Variants in SBNO2 observed in about 807,000 individuals in gnomAD.
SBNO2 encodes the protein strawberry notch homolog 2.
A neutral mutation model predicts 146.3 loss-of-function variants in SBNO2; 89 were observed. The ratio of observed to expected loss-of-function variants is 0.61; its 90% CI spans 0.51 to 0.73. The LOEUF is 0.73. SBNO2 is among the 30% of genes least tolerant of loss of function. The probability of loss-of-function intolerance (pLI) is 0.00; values close to 1 mark genes in which losing one functional copy is unlikely to be tolerated. For missense variants in SBNO2, 2,092 were observed against 2,003.7 expected, an observed-to-expected ratio of 1.04 and a Z score of -0.84; for synonymous variants, 1,147 against 892.6, an observed-to-expected ratio of 1.29 and a Z score of -5.08.
chr19:1,127,428 A>G, intron 5 of SBNO2, 176 bp downstream of exon 5: 1 of 644,336 alleles, frequency 1.6e-6, no homozygotes, highest in Non-Finnish European at 2.7e-6. Flanking sequence ...TTCAGGACAC[A>G]AGAGGACCCT....
Position 1,109,329 on chromosome 19 carries a change from A to C in SBNO2, c.3311T>G (p.Leu1104Arg). Residue 1104 changes from leucine (L) to arginine (R), a missense_variant, in exon 29 of 32, where the codon CTG becomes CGG. Coordinates refer to ENST00000361757, the MANE Select transcript of SBNO2 (RefSeq NM_014963.3). The surrounding 1 kb of genome is among the most constrained non-coding windows in gnomAD (Gnocchi z 4.2). The part of the protein sequence containing the change: ...YKPNIGRQSQ[L>R]EALDSLRRKF... ...GCGGCGGAGGCTGTCCAGGGCCTCCAGCTGGCTCTGCCGGCCGATGTTGGG... is the reference window on the plus strand; with the variant it reads ...GCGGCGGAGGCTGTCCAGGGCCTCCCGCTGGCTCTGCCGGCCGATGTTGGG... The C allele has an allele frequency of 6.3e-7, 1 of 1,596,184 alleles. No homozygotes were observed. Among genetic ancestry groups the C allele is most frequent in the Non-Finnish European group, 8.5e-7 (1 of 1,172,604 alleles).
At chr19:1,171,215 G>A (rs1007194395) in intron 1 of SBNO2, among the ~76,000 whole-genome samples, 2 of 151,822 alleles carry the variant, frequency 1.3e-5, no homozygotes, top group African/African-American at 2.4e-5. Flanking sequence ...CCACAGGCAC[G>A]CACATTCACA....
intron 4 of SBNO2, among the ~76,000 whole-genome samples, chr19:1,143,583 CT>C (rs2080159827): frequency 6.6e-6 from 1 of 152,194 alleles, no homozygotes; most frequent in Non-Finnish European, 1.5e-5. Context: ...CTCCCGGGGG[CT>C]CCAGGGGAAA....
chr19:1,166,267 G>A (rs921156507), intron 1 of SBNO2, among the ~76,000 whole-genome samples: 5 of 29,012 alleles, frequency 1.7e-4, no homozygotes, highest in South Asian at 1.1e-3. Flanking sequence ...AGGGAGGCCC[G>A]GTGAGGGAGT....
rs2080173486 is a variant in SBNO2, at chr19:1,144,883, GGGAGACAGAGAGACAGAGGCGGAGAT to G, written c.279+2400_279+2425del. ...AGGGAGACACAGACAGAGACAGAGA[GGGAGACAGAGAGACAGAGGCGGAGAT>G]GGAGACAGAGACAGAGAGACAGAGA... On this transcript the variant is annotated intron_variant, in intron 4 of 31. Transcript: ENST00000361757. The surrounding 1 kb of genome is among the most constrained non-coding windows in gnomAD (Gnocchi z 4.1). Among the ~76,000 whole-genome samples the G allele has an allele frequency of 1.3e-5, 2 of 149,472 alleles. No homozygotes were observed. The highest frequency in any genetic ancestry group is 5.0e-5 in the African/African-American group (2 of 39,788).
In SBNO2 at chr19:1,147,431, ATG is replaced by A. The variant is rs1491120213; in HGVS notation, c.168-13_168-12del. 4,203 of 588,376 alleles carry A rather than the reference ATG, an allele frequency of 7.1e-3. 226 individuals carry two copies. The highest frequency in any genetic ancestry group is 8.4e-3 in the South Asian group (348 of 41,402). 36.4% of individuals were successfully genotyped at this position (588,376 alleles called of 1,614,324 possible). ...GAGCTCATGAACGGGCTGGAGGGAG[ATG>A]GGGGGGGGGGAGGTGAGATGGGGTG... On this transcript the variant is annotated splice_polypyrimidine_tract_variant and intron_variant, in intron 3 of 31. Transcript: ENST00000361757.
In SBNO2 at chr19:1,109,113, CT is replaced by C. The variant is rs768263814; in HGVS notation, c.3425+21del. 13 of 1,547,920 alleles carry C rather than the reference CT, an allele frequency of 8.4e-6. No individual in the cohort carries two copies. The highest frequency in any genetic ancestry group is 2.4e-5 in the South Asian group (2 of 83,994). ...GTCGCCGCCATCTGCCGGTTTCCCC[CT>C]GGTCCCCGGCCCGCCCTCACCAGGC... On this transcript the variant is annotated intron_variant, in intron 30 of 31. Transcript: ENST00000361757. This position sits in a 1 kb window ranked among gnomAD's most constrained non-coding sequence, Gnocchi z 4.2.
intron 1 of SBNO2, among the ~76,000 whole-genome samples, chr19:1,166,189 T>C (rs75773014): frequency 0.23 from 11,090 of 48,572 alleles, 1,520 homozygotes; most frequent in Middle Eastern, 0.43. Context: ...GATCCCAGAC[T>C]TCAGATCCCC....
At chr19:1,116,348 C>T (rs892240556) in intron 16 of SBNO2, among the ~76,000 whole-genome samples, 4 of 143,566 alleles carry the variant, frequency 2.8e-5, no homozygotes, top group African/African-American at 7.9e-5. Context: ...GGAATGTGGC[C>T]GGATATGATG....
At chr19:1,119,417 G>A in intron 13 of SBNO2, 99 bp downstream of exon 13, 1 of 1,011,570 alleles carries the variant, frequency 9.9e-7, no homozygotes, top group Non-Finnish European at 1.5e-6. Flanking sequence ...TCTGGGTGCT[G>A]GGGAAGCACA....
In SBNO2 at chr19:1,108,278, TCGGGA is replaced by T. The variant is rs1283280765; in HGVS notation, c.4038_4042del (p.Pro1347AlafsTer23). 1.3e-6 allele frequency: 2 copies of T among 1,511,882 alleles called. No homozygotes were observed. Among genetic ancestry groups the T allele is most frequent in the Non-Finnish European group, 1.8e-6 (2 of 1,128,510 alleles). 93.7% of individuals were successfully genotyped at this position (1,511,882 alleles called of 1,614,324 possible). ...GCTGAACTGGATCACGCTCTGCCGC[TCGGGA>T]CCACCGCCCGCCGCGCCCCCCGCCC... On this transcript the variant is annotated frameshift_variant, in exon 32 of 32. Coordinates refer to ENST00000361757, the MANE Select transcript of SBNO2 (RefSeq NM_014963.3). LOFTEE classifies it high-confidence loss of function.
Position 1,111,082 on chromosome 19 carries a change from C to G in SBNO2, c.2821G>C (p.Gly941Arg). 6.4e-7 allele frequency: 1 copy of G among 1,554,226 alleles called. No individual in the cohort carries two copies. ...VPTFFRDMKQ[G>R]LLSVGIGGRE... ...CCACCAATGCCCACAGACAGCAGGC[C>G]CTGCTTCATGTCTGCGGGGAGAGGG... Residue 941 changes from glycine to arginine, a missense_variant, in exon 25 of 32, where the codon GGC (glycine) becomes CGC (arginine). By Grantham distance (125) the Gly-to-Arg change is moderately radical (BLOSUM62 -2). Transcript: ENST00000361757.
In SBNO2 at chr19:1,144,115, C is replaced by T. The variant is rs150621127; in HGVS notation, c.279+3194G>A. On this transcript the variant is annotated intron_variant, in intron 4 of 31. Coordinates refer to ENST00000361757, the MANE Select transcript of SBNO2 (RefSeq NM_014963.3). This position sits in a 1 kb window ranked among gnomAD's most constrained non-coding sequence, Gnocchi z 4.1. ...CCGCAGAACCACGCGGCCCAGCCCACAGGCCTGGGCTGACTCATACCCGTC... is the reference window on the plus strand; with the variant it reads ...CCGCAGAACCACGCGGCCCAGCCCATAGGCCTGGGCTGACTCATACCCGTC... Among the ~76,000 whole-genome samples, 464 of 152,286 alleles carry T rather than the reference C, an allele frequency of 3.0e-3. No individual in the cohort carries two copies. Among genetic ancestry groups the T allele is most frequent in the South Asian group, 5.0e-3 (24 of 4,832 alleles).
intron 5 of SBNO2, among the ~76,000 whole-genome samples, chr19:1,125,229 G>A (rs1465046063): frequency 6.6e-6 from 1 of 151,488 alleles, no homozygotes; most frequent in Non-Finnish European, 1.5e-5. Flanking sequence ...TGTGGTGGTG[G>A]GCGCCTGTAA....
intron 11 of SBNO2, among the ~76,000 whole-genome samples, chr19:1,121,369 C>T (rs756524169): frequency 1.8e-4 from 27 of 152,138 alleles, no homozygotes; most frequent in Non-Finnish European, 3.7e-4. Flanking sequence ...CAGCCGGGTG[C>T]GAAGACACCA....
rs1299571532 is a variant in SBNO2, at chr19:1,114,467, T to A, written c.1886-45A>T. On this transcript the variant is annotated intron_variant, in intron 17 of 31. Transcript: ENST00000361757. Reference sequence around the variant, plus strand: ...CACCGAGGGCCAGACCGCAGCAAGGTGGAGGAGCAGGTGGAGGAGACGCAG... The same window carrying A: ...CACCGAGGGCCAGACCGCAGCAAGGAGGAGGAGCAGGTGGAGGAGACGCAG... 5 of 1,449,864 alleles carry A rather than the reference T, an allele frequency of 3.4e-6. No individual in the cohort carries two copies. The South Asian group carries it at 5.4e-5, about 16-fold the overall frequency. The allele number at this position is 1,449,864 out of a possible 1,614,324, so 89.8% of individuals were successfully genotyped here. A position where few individuals can be genotyped will look rare whatever the true frequency, so the allele number is the denominator to read the frequency against.
Position 1,112,339 on chromosome 19 carries a change from G to C in SBNO2, c.2516-38C>G. ...CTGCTCTCAGGGCCCGGCCAGGCGG[G>C]GGCGGGGCCGAGACCATGTTGGGGG... On this transcript the variant is annotated intron_variant, in intron 21 of 31. Coordinates refer to ENST00000361757, the MANE Select transcript of SBNO2 (RefSeq NM_014963.3). The surrounding 1 kb of genome is among the most constrained non-coding windows in gnomAD (Gnocchi z 5.9). The C allele has an allele frequency of 1.9e-6, 3 of 1,564,946 alleles. No individual in the cohort carries two copies. The highest frequency in any genetic ancestry group is 2.6e-6 in the Non-Finnish European group (3 of 1,157,138).
At chr19:1,153,695 G>A (rs944287118) in intron 2 of SBNO2, among the ~76,000 whole-genome samples, 11 of 151,764 alleles carry the variant, frequency 7.2e-5, no homozygotes, top group African/African-American at 2.4e-4. Context: ...CCGCCACCAC[G>A]CCTGGCTAAG....
At position 1,157,433 on chromosome 19, in the gene SBNO2, G is replaced by A. The variant is rs905918510; in HGVS notation, c.-126-3031C>T. ...GGCCCCGGAGACCCTCTCCCCACGC[G>A]GCCCCGGTGACACGGCCCACCCCGA... On this transcript the variant is annotated intron_variant, in intron 1 of 31. Coordinates refer to ENST00000361757, the MANE Select transcript of SBNO2 (RefSeq NM_014963.3). This position sits in a 1 kb window ranked among gnomAD's most constrained non-coding sequence, Gnocchi z 6.8. 1.1e-3 allele frequency among the ~76,000 whole-genome samples: 149 copies of A among 140,180 alleles called. 2 individuals are homozygous for A. Among genetic ancestry groups the A allele is most frequent in the South Asian group, 1.9e-3 (8 of 4,234 alleles). 92.0% of individuals were successfully genotyped at this position (140,180 alleles called of 152,430 possible).
Sources: gnomAD v4.1 joint callset for allele counts (sites outside exome capture counted in the v4.1 genomes callset) on GRCh38, gnomAD v4.1.1 for gene constraint, Gnocchi (gnomAD v3.1) non-coding constraint, MANE v1.5 for transcripts, NCBI Gene and HGNC (gene_info 2026-07-23, HGNC 2026-07-21) for gene names.